Variants in CRYBA4 observed in about 807,000 individuals in gnomAD.
CRYBA4 encodes the protein crystallin beta A4.
A neutral mutation model predicts 31.7 loss-of-function variants in CRYBA4; 30 were observed. That is an observed-to-expected ratio of 0.95 (90% CI 0.71 to 1.28). The LOEUF is 1.28. Among genes scored for constraint, CRYBA4 ranks in the 50% most tolerant of loss-of-function variants. CRYBA4 has a pLI of 0.00. For missense variants in CRYBA4, 225 were observed against 260.7 expected, an observed-to-expected ratio of 0.86 and a Z score of 0.94; for synonymous variants, 102 against 102.3, an observed-to-expected ratio of 1.00 and a Z score of 0.02.
chr22:26,625,535 AG>A lies in CRYBA4; in HGVS notation c.215del (p.Gly72AlafsTer36). 6.2e-7 allele frequency: 1 copy of A among 1,614,038 alleles called. No individual in the cohort carries two copies. Among genetic ancestry groups the A allele is most frequent in the Non-Finnish European group, 8.5e-7 (1 of 1,180,016 alleles). The stretch of plus-strand genomic sequence containing the variant: ...AAGGGCAGCAGTACATTCTGGAACG[AG>A]GCGAATATCCAAGCTGGGATGCCTG... ...FQGQQYILERGEYPSWDAWGG... is the reference protein window; with the variant it reads ...FQGQQYILERXEYPSWDAWGG... On this transcript the variant is annotated frameshift_variant, in exon 4 of 6. Transcript: ENST00000354760. LOFTEE classifies it high-confidence loss of function.
At chr22:26,599,733 A>C in the CRYBA4 span, 156 of 1,369,390 alleles carry the variant, frequency 1.1e-4, no homozygotes, top group Admixed American at 7.7e-4. Context: ...TGGCACCCAG[A>C]CCCCTGCCAG....
the CRYBA4 span, chr22:26,607,904 G>T: frequency 1.9e-6 from 3 of 1,614,210 alleles, no homozygotes; most frequent in South Asian, 2.2e-5. Flanking sequence ...TGATGGGCCG[G>T]AAGGACATGA....
the CRYBA4 span, among the ~76,000 whole-genome samples, chr22:26,593,986 C>T: frequency 6.6e-6 from 1 of 152,252 alleles, no homozygotes; most frequent in African/African-American, 2.4e-5. Context: ...TTTGATTTGG[C>T]CAAGGATAAT....
At chr22:26,607,856 T>G in the CRYBA4 span, 1 of 1,613,970 alleles carries the variant, frequency 6.2e-7, no homozygotes, top group Non-Finnish European at 8.5e-7. Context: ...CCCGCCTGGC[T>G]GATTCTCCAG....
At chr22:26,606,815 C>G in the CRYBA4 span, among the ~76,000 whole-genome samples, 1 of 152,126 alleles carries the variant, frequency 6.6e-6, no homozygotes, top group African/African-American at 2.4e-5. Context: ...CCATCAGCAA[C>G]TAACATTGGT....
At chr22:26,625,693 C>T in intron 4 of CRYBA4, 71 bp downstream of exon 4, 1 of 1,516,868 alleles carries the variant, frequency 6.6e-7, no homozygotes, top group African/African-American at 1.4e-5. Flanking sequence ...ATCAAAGGTT[C>T]CAGAGTTGAA....
At chr22:26,619,846 C>T (rs1929476077), upstream of CRYBA4, among the ~76,000 whole-genome samples, 1 of 152,360 alleles carries the variant, frequency 6.6e-6, no homozygotes, top group Non-Finnish European at 1.5e-5. Context: ...CAGGAATGGG[C>T]TGTCTGCCAG....
the CRYBA4 span, among the ~76,000 whole-genome samples, chr22:26,592,260 T>A: frequency 2.6e-5 from 4 of 152,200 alleles, no homozygotes; most frequent in Non-Finnish European, 5.9e-5. Context: ...AATGGGGGCA[T>A]TTGTTTAATA....
At chr22:26,610,727 G>T in the CRYBA4 span, among the ~76,000 whole-genome samples, 6 of 152,090 alleles carry the variant, frequency 3.9e-5, no homozygotes, top group South Asian at 6.2e-4. Context: ...AAGGTAACAG[G>T]CCCATGCTGT....
At chr22:26,597,976 C>T in the CRYBA4 span, among the ~76,000 whole-genome samples, 18 of 151,960 alleles carry the variant, frequency 1.2e-4, no homozygotes, top group African/African-American at 4.4e-4. Context: ...CTCTGCCTCC[C>T]GGTTCAAGCG....
chr22:26,604,313 T>C, the CRYBA4 span, among the ~76,000 whole-genome samples: 1 of 152,220 alleles, frequency 6.6e-6, no homozygotes, highest in South Asian at 2.1e-4. Flanking sequence ...AGGACAGTTG[T>C]AGGGATTATG....
the CRYBA4 span, among the ~76,000 whole-genome samples, chr22:26,603,200 T>TCAGGCTCTGAAGGAGGCAGAGTAAA: frequency 2.9e-4 from 44 of 151,720 alleles, no homozygotes; most frequent in Non-Finnish European, 5.0e-4. Context: ...GACATTTTAC[T>TCAGGCTCTGAAGGAGGCAGAGTAAA]CTGCCTCCTT....
the CRYBA4 span, among the ~76,000 whole-genome samples, chr22:26,591,401 G>A: frequency 1.4e-5 from 2 of 146,512 alleles, no homozygotes; most frequent in African/African-American, 2.6e-5. Flanking sequence ...AACCTGGGAG[G>A]CAAGGGTTGC....
the CRYBA4 span, among the ~76,000 whole-genome samples, chr22:26,594,785 C>T: frequency 1.3e-5 from 2 of 152,184 alleles, no homozygotes; most frequent in African/African-American, 4.8e-5. Context: ...GGAGAAGCCC[C>T]CGAAAAGGCT....
upstream of CRYBA4, among the ~76,000 whole-genome samples, chr22:26,617,130 GATGT>G (rs780125552): frequency 6.8e-4 from 103 of 152,290 alleles, no homozygotes; most frequent in South Asian, 1.9e-3. Context: ...GACCCAAGAG[GATGT>G]ATTTACTGCA....
At chr22:26,627,701 T>C (rs1247154695) in intron 4 of CRYBA4, among the ~76,000 whole-genome samples, 1 of 150,748 alleles carries the variant, frequency 6.6e-6, no homozygotes, top group Non-Finnish European at 1.5e-5. Flanking sequence ...CAGGCTGGAG[T>C]GCAATGCCAC....
intron 4 of CRYBA4, among the ~76,000 whole-genome samples, chr22:26,627,634 T>TC (rs1555944397): frequency 2.1e-4 from 28 of 131,866 alleles, no homozygotes; most frequent in African/African-American, 7.7e-4. Context: ...CCTTCCTTCC[T>TC]TCTCTCTCTC....
the CRYBA4 span, among the ~76,000 whole-genome samples, chr22:26,615,538 G>A: frequency 6.6e-6 from 1 of 150,576 alleles, no homozygotes; most frequent in East Asian, 1.9e-4. Flanking sequence ...TTTTTTGATG[G>A]AGTCTCCCTC....
In CRYBA4 at chr22:26,623,369, A is replaced by AG; in HGVS notation, c.158+17_158+18insG. On this transcript the variant is annotated intron_variant, in intron 3 of 5. Coordinates refer to ENST00000354760, the MANE Select transcript of CRYBA4 (RefSeq NM_001886.3). ...GAGTGGAGCGTGAGTCTAGGGGGAC[A>AG]CTGAGTTGGGGTAGAGGGTGGACAG... is the stretch of plus-strand genomic sequence containing the variant. 1 of 1,596,668 alleles carries AG rather than the reference A, an allele frequency of 6.3e-7. No homozygotes were observed. Among genetic ancestry groups the AG allele is most frequent in the Non-Finnish European group, 8.6e-7 (1 of 1,164,214 alleles).
Sources: gnomAD v4.1 joint callset for allele counts (sites outside exome capture counted in the v4.1 genomes callset) on GRCh38, gnomAD v4.1.1 for gene constraint, MANE v1.5 for transcripts, NCBI Gene and HGNC (gene_info 2026-07-23, HGNC 2026-07-21) for gene names.